ETV1: variants seen among roughly 807,000 people sequenced by gnomAD.
The protein encoded by ETV1 is ETS translocation variant 1.
In ETV1, 27 loss-of-function variants were observed where a neutral mutation model predicts 62.3. The ratio of observed to expected loss-of-function variants is 0.43; its 90% confidence interval spans 0.32 to 0.60. ETV1 has a LOEUF of 0.60. Ranked by LOEUF, ETV1 falls within the 20% of genes least tolerant of loss-of-function variation. The pLI is 0.06. For missense variants in ETV1, 605 were observed against 605.8 expected (o/e 1.00, Z 0.01); for synonymous variants, 222 against 199.6 (o/e 1.11, Z -0.94).
At chr7:13,931,415 C>T (rs1169491475) in intron 9 of ETV1, 87 bp downstream of exon 9, 2 of 1,439,958 alleles carry the variant, frequency 1.4e-6, no homozygotes, top group Non-Finnish European at 1.9e-6. Context: ...TGGTCAGGAG[C>T]TACCTAGTCT....
At chr7:13,896,179 C>T (rs1781754065) in intron 13 of ETV1, 92 bp from the exon 14 acceptor site, 3 of 1,000,474 alleles carry the variant, frequency 3.0e-6, no homozygotes, top group South Asian at 1.5e-5. Context: ...GTTTAATATA[C>T]AGGAAAGGAT....
At chr7:13,978,918 C>G (rs892748256) in intron 5 of ETV1, among the ~76,000 whole-genome samples, 1 of 151,996 alleles carries the variant, frequency 6.6e-6, no homozygotes, top group Non-Finnish European at 1.5e-5. Context: ...CTTCTGTACA[C>G]CAATAATTAA....
At chr7:13,932,044 C>CCACACA (rs60981382) in intron 8 of ETV1, among the ~76,000 whole-genome samples, 3,004 of 148,018 alleles carry the variant, frequency 0.02, 92 homozygotes, top group African/African-American at 0.068. Context: ...TTTTACACAC[C>CCACACA]CACACACACA....
chr7:13,918,736 A>T, intron 9 of ETV1, among the ~76,000 whole-genome samples: 1 of 144,422 alleles, frequency 6.9e-6, no homozygotes, highest in Non-Finnish European at 1.5e-5. Context: ...GGGTGGGGGG[A>T]CGGGGGAGGG....
At chr7:13,946,236 T>A (rs1788147037) in intron 6 of ETV1, among the ~76,000 whole-genome samples, 1 of 152,174 alleles carries the variant, frequency 6.6e-6, no homozygotes, top group African/African-American at 2.4e-5. Flanking sequence ...ACATTTTCCA[T>A]GGAAACTTTT....
At chr7:13,951,410 C>T (rs544198113) in intron 6 of ETV1, among the ~76,000 whole-genome samples, 8 of 152,254 alleles carry the variant, frequency 5.3e-5, no homozygotes, top group African/African-American at 1.9e-4. Context: ...CTCTGTACTT[C>T]GGTTTTCTCA....
intron 6 of ETV1, among the ~76,000 whole-genome samples, chr7:13,959,856 C>G (rs1789950898): frequency 7.7e-6 from 1 of 130,000 alleles, no homozygotes; most frequent in Non-Finnish European, 1.6e-5. Flanking sequence ...GCCCTCCAGC[C>G]TGGGCAACAG....
At position 13,906,570 on chromosome 7, in the gene ETV1, G is replaced by T. The variant is rs1433178930; in HGVS notation, c.970C>A (p.Arg324=). The T allele has an allele frequency of 1.2e-6, 2 of 1,610,488 alleles. No individual in the cohort carries two copies. The highest frequency in any genetic ancestry group is 2.7e-5 in the African/African-American group (2 of 74,738). ...GDIKQEPGMY[R]EGPTYQRRGS... ...CGCCGTTGGTATGTGGGTCCTTCCC[G>T]ATACATTCCTGGCTCTTGTTTGATG... The change falls in exon 12 of 14, where the codon CGG becomes AGG. Residue 324 remains arginine, a synonymous_variant. Coordinates refer to ENST00000430479, the MANE Select transcript of ETV1 (RefSeq NM_004956.5).
At chr7:13,931,397 T>C (rs1340458695) in intron 9 of ETV1, 105 bp downstream of exon 9, 1 of 1,232,604 alleles carries the variant, frequency 8.1e-7, no homozygotes, top group South Asian at 1.4e-5. Flanking sequence ...AAAGATCTTA[T>C]TAAAAAATGG....
At chr7:13,971,836 C>T (rs565847714) in intron 6 of ETV1, among the ~76,000 whole-genome samples, 5 of 152,306 alleles carry the variant, frequency 3.3e-5, no homozygotes, top group African/African-American at 1.2e-4. Context: ...AACGGCCAGG[C>T]ACAGTGGCTC....
intron 11 of ETV1, among the ~76,000 whole-genome samples, chr7:13,909,191 G>A (rs1783298345): frequency 1.3e-5 from 2 of 149,324 alleles, no homozygotes; most frequent in Non-Finnish European, 3.0e-5. Flanking sequence ...CAGTTATGTT[G>A]TTCCTGTGTT....
In ETV1 at chr7:13,891,700, T is replaced by G. The variant is rs982733133; in HGVS notation, c.*4166A>C. On this transcript the variant is annotated 3_prime_UTR_variant, in exon 14 of 14. Transcript: ENST00000430479. ...TCATGCCCAACTATTACCATCTTTT[T>G]GAAACTTGATTTTTCCAATTCTTAG... The G allele has an allele frequency of 4.3e-6, 1 of 232,168 alleles. No homozygotes were observed. The highest frequency in any genetic ancestry group is 6.1e-5 in the East Asian group (1 of 16,302). The allele number at this position is 232,168 out of a possible 1,614,324, so 14.4% of individuals were successfully genotyped here. A position where few individuals can be genotyped will look rare whatever the true frequency, so the allele number is the denominator to read the frequency against.
intron 6 of ETV1, among the ~76,000 whole-genome samples, chr7:13,940,453 C>A (rs562373409): frequency 6.6e-6 from 1 of 151,264 alleles, no homozygotes; most frequent in Non-Finnish European, 1.5e-5. Context: ...TATTAGAAAT[C>A]TTATCAGAAT....
chr7:13,921,358 G>A (rs1287886979), intron 9 of ETV1, among the ~76,000 whole-genome samples: 2 of 152,132 alleles, frequency 1.3e-5, no homozygotes, highest in Non-Finnish European at 2.9e-5. Flanking sequence ...TGGAGAGGAA[G>A]CAATATATAA....
At chr7:13,985,515 T>G (rs1782462836) in intron 5 of ETV1, 1 of 152,220 alleles carries the variant, frequency 6.6e-6, no homozygotes, top group Non-Finnish European at 1.5e-5. Flanking sequence ...ATCAACTGCA[T>G]TCAAGACCAC....
intron 3 of ETV1, 65 bp from the exon 4 acceptor site, chr7:13,988,238 G>GCA: frequency 4.4e-6 from 4 of 904,810 alleles, no homozygotes; most frequent in Non-Finnish European, 7.1e-6. Context: ...ACGCACACGC[G>GCA]CGCGCACACA....
chr7:13,981,506 T>TA (rs1266124634), intron 5 of ETV1, among the ~76,000 whole-genome samples: 1 of 102,480 alleles, frequency 9.8e-6, no homozygotes, highest in East Asian at 2.8e-4. Context: ...CAAAGTTACA[T>TA]ACATACATAC....
chr7:13,910,308 T>A (rs1175177441), intron 10 of ETV1, among the ~76,000 whole-genome samples: 1 of 149,162 alleles, frequency 6.7e-6, no homozygotes, highest in African/African-American at 2.5e-5. Context: ...CATAATAATG[T>A]CCTCTCTCAA....
At chr7:13,985,082 A>G (rs1432444920) in intron 5 of ETV1, among the ~76,000 whole-genome samples, 1 of 152,106 alleles carries the variant, frequency 6.6e-6, no homozygotes, top group African/African-American at 2.4e-5. Flanking sequence ...TCTAAGAACC[A>G]ACAAACCTTC....
Sources: gnomAD v4.1 joint callset for allele counts (sites outside exome capture counted in the v4.1 genomes callset) on GRCh38, gnomAD v4.1.1 for gene constraint, MANE v1.5 for transcripts, NCBI Gene and HGNC (gene_info 2026-07-23, HGNC 2026-07-21) for gene names.